The following PDE1C variants were observed in gnomAD, a reference collection of about 807,000 sequenced individuals.
PDE1C encodes phosphodiesterase 1C, also known as dual specificity calcium/calmodulin-dependent 3',5'-cyclic nucleotide phosphodiesterase 1C.
Under a neutral mutation model 93.1 loss-of-function variants are expected in PDE1C, and 62 were observed. The ratio of observed to expected loss-of-function variants is 0.67; its 90% CI spans 0.54 to 0.82. The LOEUF (loss-of-function observed/expected upper bound fraction) is 0.82, where lower values mean the gene tolerates loss of function less well. Among genes scored for constraint, PDE1C ranks in the 40% least tolerant of loss-of-function variants. The pLI, the probability that PDE1C is intolerant of heterozygous loss-of-function variation, is 0.00. For synonymous variants in PDE1C, 325 were observed against 310.1 expected (o/e 1.05, Z -0.50); for missense variants, 742 against 884.6 (o/e 0.84, Z 2.04).
chr7:32,307,346 G>T (rs7779130), intron 1 of PDE1C, among the ~76,000 whole-genome samples: 33,168 of 151,876 alleles, frequency 0.22, 3,756 homozygotes, highest in African/African-American at 0.25. Context: ...AGCTGGCCAG[G>T]GGAGGAAGAG....
chr7:32,356,055 T>G (rs1784024212), intron 1 of PDE1C, among the ~76,000 whole-genome samples: 1 of 152,232 alleles, frequency 6.6e-6, no homozygotes, highest in South Asian at 2.1e-4. Context: ...GGGGAACCTA[T>G]GCACAGAGTA....
At chr7:32,066,126 A>G (rs962937503) in intron 1 of PDE1C, among the ~76,000 whole-genome samples, 1 of 152,184 alleles carries the variant, frequency 6.6e-6, no homozygotes, top group Admixed American at 6.5e-5. Context: ...CCCACAGCCA[A>G]TACAGAAATG....
chr7:32,326,030 G>T (rs1308862147), intron 1 of PDE1C, among the ~76,000 whole-genome samples: 1 of 152,006 alleles, frequency 6.6e-6, no homozygotes, highest in African/African-American at 2.4e-5. Flanking sequence ...AACAAGATTT[G>T]CTGACAGTTC....
chr7:31,978,357 G>A (rs865828613), intron 2 of PDE1C, among the ~76,000 whole-genome samples: 124 of 152,186 alleles, frequency 8.1e-4, no homozygotes, highest in African/African-American at 2.8e-3. Context: ...ATTGAGTACA[G>A]ATGTTTAGAA....
At chr7:32,371,921 C>T (rs1784342380) in intron 1 of PDE1C, among the ~76,000 whole-genome samples, 1 of 152,140 alleles carries the variant, frequency 6.6e-6, no homozygotes, top group African/African-American at 2.4e-5. Context: ...AAAACTCACC[C>T]TTCCCAATTT....
exon 1 of PDE1C, chr7:32,298,788 C>T: frequency 3.9e-6 from 6 of 1,540,162 alleles, no homozygotes; most frequent in Middle Eastern, 3.9e-4. Context: ...CGTCTGCGGT[C>T]CCCCCCACGG....
chr7:32,296,037 T>C (rs951080651), intron 1 of PDE1C, among the ~76,000 whole-genome samples: 1 of 152,130 alleles, frequency 6.6e-6, no homozygotes, highest in African/African-American at 2.4e-5. Flanking sequence ...ATATATAGCA[T>C]GAAACAAAAC....
intron 1 of PDE1C, among the ~76,000 whole-genome samples, chr7:32,336,810 T>C (rs1783635477): frequency 6.6e-6 from 1 of 152,190 alleles, no homozygotes; most frequent in South Asian, 2.1e-4. Context: ...GGAAACTTGT[T>C]ATAGGAGAAA....
At chr7:32,269,112 T>G (rs780045730) in intron 1 of PDE1C, among the ~76,000 whole-genome samples, 13 of 152,240 alleles carry the variant, frequency 8.5e-5, no homozygotes, top group Non-Finnish European at 1.5e-4. Context: ...CACTAAATGT[T>G]CACCATAGTG....
intron 2 of PDE1C, among the ~76,000 whole-genome samples, chr7:32,007,058 G>GT (rs1786367220): frequency 6.6e-6 from 1 of 152,128 alleles, no homozygotes; most frequent in Admixed American, 6.5e-5. Context: ...TAATTTTTAT[G>GT]ACATTTAAGT....
intron 2 of PDE1C, among the ~76,000 whole-genome samples, chr7:32,019,438 T>C (rs567275324): frequency 6.6e-6 from 1 of 152,256 alleles, no homozygotes; most frequent in South Asian, 2.1e-4. Context: ...TGAGTTTCCT[T>C]ATAAAGGCCA....
At chr7:31,850,091 T>C (rs1793143985) in intron 8 of PDE1C, among the ~76,000 whole-genome samples, 1 of 152,052 alleles carries the variant, frequency 6.6e-6, no homozygotes, top group African/African-American at 2.4e-5. Context: ...GATGCACAGG[T>C]TGCTCACGGT....
the PDE1C span, among the ~76,000 whole-genome samples, chr7:31,703,331 GTTTAC>G: frequency 6.6e-6 from 1 of 152,172 alleles, no homozygotes; most frequent in Non-Finnish European, 1.5e-5. Flanking sequence ...GTTGAGCTCT[GTTTAC>G]CTGGCATGAG....
chr7:32,144,778 T>C (rs1364950323), intron 3 of PDE1C, among the ~76,000 whole-genome samples: 1 of 152,202 alleles, frequency 6.6e-6, no homozygotes, highest in Non-Finnish European at 1.5e-5. Context: ...TAGTGGATTT[T>C]ATTCTTCGAG....
At chr7:31,877,006 C>T (rs189909835) in intron 5 of PDE1C, among the ~76,000 whole-genome samples, 20 of 152,280 alleles carry the variant, frequency 1.3e-4, no homozygotes, top group Non-Finnish European at 2.2e-4. Context: ...CACTCCCCAC[C>T]CCCTAACTCC....
the PDE1C span, among the ~76,000 whole-genome samples, chr7:31,638,841 A>G: frequency 1.7e-4 from 26 of 152,206 alleles, no homozygotes; most frequent in East Asian, 9.7e-4. Flanking sequence ...GAGTGACCCA[A>G]TCTCAGCTTA....
chr7:32,332,541 T>C (rs529043276), intron 1 of PDE1C, among the ~76,000 whole-genome samples: 20 of 152,046 alleles, frequency 1.3e-4, no homozygotes, highest in Non-Finnish European at 2.1e-4. Context: ...TAGGTGTTTA[T>C]CCAACAGAAA....
At chr7:31,693,503 C>A in the PDE1C span, among the ~76,000 whole-genome samples, 5 of 152,270 alleles carry the variant, frequency 3.3e-5, no homozygotes, top group South Asian at 6.2e-4. Flanking sequence ...AGCAGTGTAC[C>A]CCTCAGCTTT....
intron 1 of PDE1C, among the ~76,000 whole-genome samples, chr7:32,220,537 C>T (rs984057162): frequency 3.9e-5 from 6 of 152,134 alleles, no homozygotes; most frequent in African/African-American, 1.2e-4. Flanking sequence ...CTGGTCCAGC[C>T]GGGCATGGTG....
Sources: allele counts gnomAD v4.1 joint callset (sites outside exome capture counted in the v4.1 genomes callset), GRCh38; gene constraint gnomAD v4.1.1; transcripts MANE v1.5; gene names NCBI Gene and HGNC (gene_info 2026-07-23, HGNC 2026-07-21).